The following ACSM3 variants were observed in gnomAD, a reference collection of about 807,000 sequenced individuals.
The protein encoded by ACSM3 is acyl-CoA synthetase medium chain family member 3.
In ACSM3, 61 loss-of-function variants were observed where a neutral mutation model predicts 74.1. The ratio of observed to expected loss-of-function variants is 0.82; its 90% CI spans 0.67 to 1.02. ACSM3 has a LOEUF of 1.02. Among genes scored for constraint, ACSM3 ranks in the 50% least tolerant of loss-of-function variants. ACSM3 has a pLI of 0.00. For missense variants in ACSM3, 660 were observed against 697.0 expected, an observed-to-expected ratio of 0.95 and a Z score of 0.60; for synonymous variants, 213 against 241.5, an observed-to-expected ratio of 0.88 and a Z score of 1.09.
intron 2 of ACSM3, among the ~76,000 whole-genome samples, chr16:20,755,179 C>G (rs1421925693): frequency 6.6e-6 from 1 of 152,186 alleles, no homozygotes; most frequent in African/African-American, 2.4e-5. Context: ...CTGTCCCCTA[C>G]CTGGGCAGTG....
chr16:20,697,650 G>C (rs1022575282), intron 1 of ACSM3: 2 of 151,856 alleles, frequency 1.3e-5, no homozygotes, highest in African/African-American at 4.9e-5. Context: ...TACTGTTTAG[G>C]ACGTAGCTGA....
chr16:20,688,646 A>G (rs9929412), intron 1 of ACSM3, among the ~76,000 whole-genome samples: 2,710 of 152,226 alleles, frequency 0.018, 78 homozygotes, highest in African/African-American at 0.061. Flanking sequence ...AGAAAAAAAA[A>G]GCCAACCAAG....
Position 20,770,102 on chromosome 16 carries a change from G to T in ACSM3, c.68G>T (p.Gly23Val). 1 of 1,614,136 alleles carries T rather than the reference G, an allele frequency of 6.2e-7. No homozygotes were observed. The highest frequency in any genetic ancestry group is 8.5e-7 in the Non-Finnish European group (1 of 1,180,024). ...AKCFQRLAIF[G>V]SVRALHKDNR... is the part of the protein sequence containing the mutation. ...TGTTTTCAGCGCCTAGCAATTTTTG[G>T]TTCTGTGAGGGCACTGCATAAAGAT... Residue 23 changes from glycine to valine, a missense_variant, in exon 2 of 14, where the codon GGT becomes GTT. Gly to Val is a moderately radical substitution (Grantham distance 109). Coordinates refer to ENST00000289416, the MANE Select transcript of ACSM3 (RefSeq NM_005622.4).
At chr16:20,743,759 T>C (rs1466550039) in intron 1 of ACSM3, 2 of 152,238 alleles carry the variant, frequency 1.3e-5, no homozygotes, top group Non-Finnish European at 1.5e-5. Flanking sequence ...CTCAGTTGTT[T>C]GTGAAGAGCA....
intron 1 of ACSM3, chr16:20,741,568 C>A: frequency 6.3e-7 from 1 of 1,581,702 alleles, no homozygotes; most frequent in Non-Finnish European, 8.6e-7. Context: ...GCCTCCTCCA[C>A]GCACTTGCGC....
chr16:20,688,593 C>T lies in ACSM3; in HGVS notation c.-190+13771C>T, dbSNP rs192103281. On this transcript the variant is annotated intron_variant, in intron 1 of 3. Coordinates refer to the ACSM3 transcript ENST00000561584. ...TATCAGTGGATTTCTCAGTAGAAAC[C>T]TTGAGGCCAGAAAGAAGTGGATGAT... is the stretch of plus-strand genomic sequence containing the variant. Among the ~76,000 whole-genome samples the T allele has an allele frequency of 2.9e-3, 442 of 151,966 alleles. 3 individuals are homozygous for T. The highest frequency in any genetic ancestry group is 0.01 in the African/African-American group (420 of 41,500).
intron 3 of ACSM3, 86 bp from the exon 4 acceptor site, chr16:20,777,287 C>A: frequency 8.2e-7 from 1 of 1,222,288 alleles, no homozygotes; most frequent in Non-Finnish European, 1.1e-6. Flanking sequence ...CTGAGAAATA[C>A]AGAATGTATA....
At chr16:20,717,775 CTATT>C (rs754800929) in intron 1 of ACSM3, among the ~76,000 whole-genome samples, 45 of 149,554 alleles carry the variant, frequency 3.0e-4, no homozygotes, top group Non-Finnish European at 5.8e-4. Flanking sequence ...GTTATCTTGG[CTATT>C]TATTTAGGCT....
At chr16:20,704,439 G>A (rs767812816) in intron 1 of ACSM3, among the ~76,000 whole-genome samples, 3 of 152,162 alleles carry the variant, frequency 2.0e-5, no homozygotes, top group Admixed American at 6.5e-5. Flanking sequence ...TTAACTACTA[G>A]CACAAGTTCT....
At chr16:20,777,271 C>A in intron 3 of ACSM3, 102 bp from the exon 4 acceptor site, 1 of 1,099,752 alleles carries the variant, frequency 9.1e-7, no homozygotes. Context: ...AACTGACTAA[C>A]TCACTCTGAG....
At chr16:20,777,707 A>T in intron 4 of ACSM3, 127 bp downstream of exon 4, 2 of 809,634 alleles carry the variant, frequency 2.5e-6, no homozygotes, top group Admixed American at 5.0e-5. Flanking sequence ...GTTGGTAGTT[A>T]TTGCTGCACT....
chr16:20,740,960 G>C (rs1429149517), intron 1 of ACSM3, among the ~76,000 whole-genome samples: 1 of 152,196 alleles, frequency 6.6e-6, no homozygotes, highest in East Asian at 1.9e-4. Flanking sequence ...GGCCCTCAAT[G>C]AGCAATCCTT....
At chr16:20,736,779 C>T (rs2079873277) in intron 1 of ACSM3, 3 of 1,204,776 alleles carry the variant, frequency 2.5e-6, no homozygotes, top group African/African-American at 1.5e-5. Context: ...TAATGCAGCA[C>T]ACAAATAAAA....
chr16:20,726,328 AAAGG>A (rs1414907541), intron 1 of ACSM3, among the ~76,000 whole-genome samples: 1 of 152,196 alleles, frequency 6.6e-6, no homozygotes, highest in African/African-American at 2.4e-5. Flanking sequence ...ATGAGGAGAG[AAAGG>A]AAGAGAGGAG....
chr16:20,732,159 T>C (rs1033078706), intron 1 of ACSM3, among the ~76,000 whole-genome samples: 1 of 152,164 alleles, frequency 6.6e-6, no homozygotes, highest in Non-Finnish European at 1.5e-5. Flanking sequence ...AAAGAAACCA[T>C]GAAATCTTTC....
At chr16:20,731,716 T>C (rs2079831585) in intron 1 of ACSM3, 2 of 394,574 alleles carry the variant, frequency 5.1e-6, no homozygotes, top group South Asian at 1.0e-4. Context: ...AAAAATCAAC[T>C]GCACCTTACA....
intron 7 of ACSM3, chr16:20,783,241 C>T (rs984006736): frequency 6.6e-6 from 1 of 152,122 alleles, no homozygotes; most frequent in Non-Finnish European, 1.5e-5. Flanking sequence ...AATATTAGAA[C>T]AAAAGATACT....
At chr16:20,764,931 AGGAGGG>A (rs1204209015) in intron 1 of ACSM3, among the ~76,000 whole-genome samples, 1 of 152,188 alleles carries the variant, frequency 6.6e-6, no homozygotes, top group Non-Finnish European at 1.5e-5. Context: ...AGTTCTGTAT[AGGAGGG>A]GCTTCAGGCA....
At chr16:20,778,010 A>T (rs1275774328) in intron 4 of ACSM3, among the ~76,000 whole-genome samples, 2 of 152,144 alleles carry the variant, frequency 1.3e-5, no homozygotes, top group African/African-American at 4.8e-5. Context: ...CAGTAATTGG[A>T]TGGGGTTGTC....
Sources: allele counts gnomAD v4.1 joint callset (sites outside exome capture counted in the v4.1 genomes callset), GRCh38; gene constraint gnomAD v4.1.1; transcripts MANE v1.5; gene names NCBI Gene and HGNC (gene_info 2026-07-23, HGNC 2026-07-21).